The following MCU variants were observed in gnomAD, a reference collection of about 807,000 sequenced individuals.
MCU encodes calcium uniporter protein, mitochondrial.
A neutral mutation model predicts 45.2 loss-of-function variants in MCU; 12 were observed. The observed-to-expected ratio is 0.27, with a 90% confidence interval of 0.17 to 0.43. The LOEUF is 0.43. Ranked by LOEUF, MCU falls within the 20% of genes least tolerant of loss-of-function variation. The pLI is 1.00. For missense variants in MCU, 324 were observed against 436.7 expected (o/e 0.74, Z 2.30); for synonymous variants, 160 against 165.1 (o/e 0.97, Z 0.24).
At chr10:72,825,024 G>T (rs190030642) in intron 1 of MCU, among the ~76,000 whole-genome samples, 1 of 152,110 alleles carries the variant, frequency 6.6e-6, no homozygotes, top group Non-Finnish European at 1.5e-5. Context: ...GTAGCAACAT[G>T]GGAGTGTACA....
chr10:72,834,344 T>C lies in MCU; in HGVS notation c.151-15T>C. The C allele has an allele frequency of 6.2e-7, 1 of 1,609,454 alleles. No individual in the cohort carries two copies. Among genetic ancestry groups the C allele is most frequent in the Non-Finnish European group, 8.5e-7 (1 of 1,176,018 alleles). ...GTTCCATTCTGACAGTAGATGTATC[T>C]TTTGTGTTTTCTAGGTACACCAGAG... On this transcript the variant is annotated splice_polypyrimidine_tract_variant and intron_variant, in intron 1 of 7. Transcript: ENST00000373053.
At chr10:72,810,008 ATG>A (rs1311233920) in intron 1 of MCU, among the ~76,000 whole-genome samples, 3 of 150,800 alleles carry the variant, frequency 2.0e-5, no homozygotes, top group Admixed American at 6.6e-5. Context: ...CTGTGTGTGC[ATG>A]TGTGTGTGTG....
At chr10:72,866,268 G>A (rs543841980) in intron 4 of MCU, among the ~76,000 whole-genome samples, 59 of 152,246 alleles carry the variant, frequency 3.9e-4, no homozygotes, top group Non-Finnish European at 7.1e-4. Flanking sequence ...CTGTATTTAA[G>A]AGGGATGACA....
At chr10:72,742,061 A>T (rs1044113018) in intron 1 of MCU, among the ~76,000 whole-genome samples, 1 of 150,940 alleles carries the variant, frequency 6.6e-6, no homozygotes, top group Non-Finnish European at 1.5e-5. Context: ...ACGACATTGC[A>T]GTCAACCATA....
At chr10:72,759,151 C>T (rs898538053) in intron 1 of MCU, among the ~76,000 whole-genome samples, 12 of 152,204 alleles carry the variant, frequency 7.9e-5, no homozygotes, top group Admixed American at 3.9e-4. Flanking sequence ...GGGGTTTATT[C>T]GGCCAGGGTT....
intron 1 of MCU, among the ~76,000 whole-genome samples, chr10:72,738,612 T>C (rs921907186): frequency 8.5e-5 from 13 of 152,240 alleles, no homozygotes; most frequent in African/African-American, 3.1e-4. Context: ...GGAAATGTTA[T>C]GTAAAACTTA....
chr10:72,712,073 C>T (rs1842902315), intron 1 of MCU, among the ~76,000 whole-genome samples: 1 of 151,642 alleles, frequency 6.6e-6, no homozygotes, highest in African/African-American at 2.4e-5. Flanking sequence ...TTAGTTGATA[C>T]ATGTGGTTCT....
chr10:72,855,572 A>G (rs1225989272), intron 2 of MCU, among the ~76,000 whole-genome samples: 1 of 152,190 alleles, frequency 6.6e-6, no homozygotes, highest in Non-Finnish European at 1.5e-5. Flanking sequence ...ACAGATTAGG[A>G]CCCTGTCTCT....
At chr10:72,866,569 G>A (rs1314836940) in intron 4 of MCU, among the ~76,000 whole-genome samples, 1 of 152,024 alleles carries the variant, frequency 6.6e-6, no homozygotes, top group Non-Finnish European at 1.5e-5. Flanking sequence ...GCTAATTTTT[G>A]TATTTTTAGT....
chr10:72,737,249 T>C (rs1843263693), intron 1 of MCU, among the ~76,000 whole-genome samples: 2 of 152,226 alleles, frequency 1.3e-5, no homozygotes, highest in African/African-American at 4.8e-5. Context: ...GTCACTAATG[T>C]TAATAGCAGA....
At position 72,860,663 on chromosome 10, in the gene MCU, C is replaced by A. The variant is rs576071485; in HGVS notation, c.496+136C>A. The A allele has an allele frequency of 1.9e-5, 12 of 632,802 alleles. No individual in the cohort carries two copies. The Admixed American group carries it at 3.5e-4, about 18-fold the overall frequency. The allele number at this position is 632,802 out of a possible 1,614,324, so 39.2% of individuals were successfully genotyped here. A position where few individuals can be genotyped will look rare whatever the true frequency, so the allele number is the denominator to read the frequency against. On this transcript the variant is annotated intron_variant, in intron 4 of 7. Transcript: ENST00000373053. ...TGAAAGTTTTATATACAGATAGACACTATTTCAGTTGAAGAGCTCATTGAG... is the reference window on the plus strand; with the variant it reads ...TGAAAGTTTTATATACAGATAGACAATATTTCAGTTGAAGAGCTCATTGAG...
chr10:72,865,102 G>A (rs939325149), intron 4 of MCU, among the ~76,000 whole-genome samples: 6 of 152,050 alleles, frequency 3.9e-5, no homozygotes, highest in East Asian at 1.9e-4. Context: ...TGTAATAACC[G>A]TATTTTTTAA....
At chr10:72,750,665 C>T (rs1843481178) in intron 1 of MCU, among the ~76,000 whole-genome samples, 1 of 152,056 alleles carries the variant, frequency 6.6e-6, no homozygotes, top group Admixed American at 6.5e-5. Flanking sequence ...TAAAATTGAC[C>T]TTTTTTTGAT....
chr10:72,751,341 CTT>C (rs71021528), intron 1 of MCU, among the ~76,000 whole-genome samples: 734 of 44,528 alleles, frequency 0.016, no homozygotes, highest in African/African-American at 0.057. Context: ...TCTTCTTCTT[CTT>C]TTTTTTTTTT....
At chr10:72,798,526 G>A (rs949286306) in intron 1 of MCU, among the ~76,000 whole-genome samples, 3 of 152,132 alleles carry the variant, frequency 2.0e-5, no homozygotes, top group Non-Finnish European at 1.5e-5. Flanking sequence ...TCCTGACCTC[G>A]TGATCCATCC....
intron 2 of MCU, among the ~76,000 whole-genome samples, chr10:72,841,801 A>G (rs1456566343): frequency 1.3e-5 from 2 of 152,240 alleles, no homozygotes; most frequent in Non-Finnish European, 2.9e-5. Flanking sequence ...CCCCAGAAGT[A>G]ATCAGTTTCA....
chr10:72,758,252 T>G (rs1213058484), intron 1 of MCU, among the ~76,000 whole-genome samples: 1 of 152,228 alleles, frequency 6.6e-6, no homozygotes, highest in Non-Finnish European at 1.5e-5. Flanking sequence ...GTTGTCCAGG[T>G]TGGCCTCAAA....
intron 2 of MCU, among the ~76,000 whole-genome samples, chr10:72,848,728 GTA>G (rs892928264): frequency 1.4e-4 from 14 of 98,972 alleles, no homozygotes; most frequent in African/African-American, 4.7e-4. Flanking sequence ...ATATGTTTGT[GTA>G]TGTGTGTGTG....
chr10:72,785,027 T>C (rs545677784), intron 1 of MCU, among the ~76,000 whole-genome samples: 3 of 152,344 alleles, frequency 2.0e-5, no homozygotes, highest in South Asian at 4.1e-4. Context: ...GGCTTCTACA[T>C]AGTACAGGGA....
Sources: gnomAD v4.1 joint callset for allele counts (sites outside exome capture counted in the v4.1 genomes callset) on GRCh38, gnomAD v4.1.1 for gene constraint, MANE v1.5 for transcripts, NCBI Gene and HGNC (gene_info 2026-07-23, HGNC 2026-07-21) for gene names.